Variants in GINS4 observed in about 807,000 individuals in gnomAD.
GINS4 encodes the protein DNA replication complex GINS protein SLD5.
In GINS4, 20 loss-of-function variants were observed where a neutral mutation model predicts 31.1. The observed-to-expected ratio is 0.64, with a 90% CI of 0.45 to 0.93. The LOEUF (loss-of-function observed/expected upper bound fraction) is 0.93, where lower values mean the gene tolerates loss of function less well. Among genes scored for constraint, GINS4 ranks in the 40% least tolerant of loss-of-function variants. The pLI, the probability that GINS4 is intolerant of heterozygous loss-of-function variation, is 0.00. For synonymous variants in GINS4, 85 were observed against 97.9 expected, an observed-to-expected ratio of 0.87 and a Z score of 0.78; for missense variants, 245 against 273.9, an observed-to-expected ratio of 0.89 and a Z score of 0.75.
At chr8:41,532,517 C>T (rs1806663689) in intron 2 of GINS4, among the ~76,000 whole-genome samples, 1 of 151,940 alleles carries the variant, frequency 6.6e-6, no homozygotes, top group Non-Finnish European at 1.5e-5. Flanking sequence ...ATAGCGAGAT[C>T]TTATCCCAAA....
rs750900577 is a variant in GINS4, at chr8:41,537,257, C to T, written c.261C>T (p.Tyr87=). ...AAATGGAGATGGAGAGGATCCGCTA[C>T]GTCCTCAGCAGCTACTTGCGGTGTC... ...IHQMEMERIR[Y]VLSSYLRCRL... The change falls in exon 4 of 8, where the codon TAC becomes TAT. Residue 87 remains tyrosine, a synonymous_variant. Coordinates refer to ENST00000276533, the MANE Select transcript of GINS4 (RefSeq NM_032336.3). The T allele has an allele frequency of 1.5e-5, 25 of 1,613,678 alleles. No homozygotes were observed. Among genetic ancestry groups the T allele is most frequent in the Middle Eastern group, 1.7e-4 (1 of 6,046 alleles).
At chr8:41,533,424 C>T (rs1348953155) in intron 2 of GINS4, among the ~76,000 whole-genome samples, 2 of 152,170 alleles carry the variant, frequency 1.3e-5, no homozygotes, top group African/African-American at 4.8e-5. Context: ...GAGGATGGGG[C>T]GGCGGGGGTT....
At chr8:41,530,412 G>T in intron 2 of GINS4, 114 bp downstream of exon 2, 1 of 698,438 alleles carries the variant, frequency 1.4e-6, no homozygotes, top group East Asian at 2.7e-5. Context: ...CTTTAGAACA[G>T]GGACTGGATC....
intron 6 of GINS4, among the ~76,000 whole-genome samples, chr8:41,541,227 G>T (rs1806835845): frequency 6.6e-6 from 1 of 151,998 alleles, no homozygotes; most frequent in African/African-American, 2.4e-5. Flanking sequence ...GTGCCACCAT[G>T]CTTGGCTATT....
At chr8:41,540,071 T>G (rs1288423723) in intron 6 of GINS4, 67 bp downstream of exon 6, 2 of 1,071,572 alleles carry the variant, frequency 1.9e-6, no homozygotes, top group Non-Finnish European at 2.9e-6. Context: ...GGATCCTCTC[T>G]TCACTGTTTT....
intron 4 of GINS4, chr8:41,537,934 T>C (rs1806770151): frequency 6.6e-6 from 1 of 151,892 alleles, no homozygotes; most frequent in Admixed American, 6.6e-5. Flanking sequence ...GACAGGAGAA[T>C]TGCTTGAACC....
intron 2 of GINS4, chr8:41,534,134 G>A (rs1399542115): frequency 9.8e-6 from 2 of 204,542 alleles, no homozygotes; most frequent in African/African-American, 4.7e-5. Context: ...CAGGCACAGT[G>A]GTTCAAGCCT....
In GINS4 at chr8:41,542,007, C is replaced by G. The variant is rs1055455430; in HGVS notation, c.592C>G (p.Leu198Val). The change falls in exon 8 of 8, where the codon CTG becomes GTG. Residue 198 changes from leucine (L) to valine (V), a missense_variant. Transcript: ENST00000276533. ...CTTTTTCAGGGACTACGTGATTGAC[C>G]TGGAGAAGGGCTCACAGCACTTGAT... is the stretch of plus-strand genomic sequence containing the variant. The part of the protein sequence containing the change: ...TDEQRDYVID[L>V]EKGSQHLIRY... The G allele has an allele frequency of 6.2e-7, 1 of 1,614,104 alleles. No individual in the cohort carries two copies. Among genetic ancestry groups the G allele is most frequent in the Admixed American group, 1.7e-5 (1 of 60,002 alleles).
intron 6 of GINS4, among the ~76,000 whole-genome samples, chr8:41,540,888 C>A (rs1806828763): frequency 6.6e-6 from 1 of 152,120 alleles, no homozygotes; most frequent in Non-Finnish European, 1.5e-5. Context: ...GTCCAGGATC[C>A]AGGCCCCCAC....
At chr8:41,538,337 C>G (rs1161171041) in intron 4 of GINS4, among the ~76,000 whole-genome samples, 5 of 152,106 alleles carry the variant, frequency 3.3e-5, no homozygotes, top group Non-Finnish European at 7.3e-5. Context: ...GTAGTTTGAC[C>G]AAGTTTGTGA....
chr8:41,530,701 C>T (rs1806636659), intron 2 of GINS4, among the ~76,000 whole-genome samples: 1 of 152,102 alleles, frequency 6.6e-6, no homozygotes, highest in African/African-American at 2.4e-5. Flanking sequence ...CATATTTTTC[C>T]TTTTTCTCAC....
intron 2 of GINS4, among the ~76,000 whole-genome samples, chr8:41,535,597 T>C (rs1342713934): frequency 6.6e-6 from 1 of 152,072 alleles, no homozygotes; most frequent in African/African-American, 2.4e-5. Context: ...CAGAAAAAAA[T>C]AAGTTGAGCC....
chr8:41,531,664 A>G (rs761167042), intron 2 of GINS4, among the ~76,000 whole-genome samples: 6 of 152,222 alleles, frequency 3.9e-5, no homozygotes, highest in Non-Finnish European at 2.9e-5. Flanking sequence ...AATAACGCAC[A>G]CATGCACCCA....
intron 2 of GINS4, among the ~76,000 whole-genome samples, chr8:41,531,476 T>G (rs1806647081): frequency 6.6e-6 from 1 of 152,190 alleles, no homozygotes; most frequent in Non-Finnish European, 1.5e-5. Flanking sequence ...GTTTGCTACT[T>G]TAGTATTCTT....
At chr8:41,530,413 G>A (rs1181423407) in intron 2 of GINS4, 115 bp downstream of exon 2, 10 of 686,850 alleles carry the variant, frequency 1.5e-5, no homozygotes, top group Non-Finnish European at 2.0e-5. Context: ...TTTAGAACAG[G>A]GACTGGATCT....
At chr8:41,533,993 T>C (rs916540043) in intron 2 of GINS4, among the ~76,000 whole-genome samples, 5 of 152,182 alleles carry the variant, frequency 3.3e-5, no homozygotes, top group Non-Finnish European at 7.3e-5. Context: ...TAATCACTTC[T>C]TTAAAGACCT....
chr8:41,539,600 A>C, intron 4 of GINS4, 78 bp from the exon 5 acceptor site: 1 of 1,042,230 alleles, frequency 9.6e-7, no homozygotes, highest in Non-Finnish European at 1.5e-6. Flanking sequence ...GGGTTGTGTA[A>C]ACCCTCTTTA....
In GINS4 at chr8:41,544,465, T is replaced by G. The variant is rs1806898413; in HGVS notation, c.*2378T>G. On this transcript the variant is annotated 3_prime_UTR_variant, in exon 8 of 8. Coordinates refer to ENST00000276533, the MANE Select transcript of GINS4 (RefSeq NM_032336.3). ...AGCTGTTAACCTAGAACAGTGTGCT[T>G]CCTAAGCCTTAATGTGCATACCCAT... 1 of 152,186 alleles carries G rather than the reference T, an allele frequency of 6.6e-6. No homozygotes were observed. The highest frequency in any genetic ancestry group is 2.1e-4 in the South Asian group (1 of 4,828). 9.4% of individuals were successfully genotyped at this position (152,186 alleles called of 1,614,324 possible). A position where few individuals can be genotyped will look rare whatever the true frequency, so the allele number is the denominator to read the frequency against.
chr8:41,529,917 T>C (rs1563428516), intron 1 of GINS4: 5 of 302,630 alleles, frequency 1.7e-5, no homozygotes, highest in Non-Finnish European at 3.1e-5. Flanking sequence ...AAGAAATGAA[T>C]AGTGATTGTA....
Sources: gnomAD v4.1 joint callset for allele counts (sites outside exome capture counted in the v4.1 genomes callset) on GRCh38, gnomAD v4.1.1 for gene constraint, MANE v1.5 for transcripts, NCBI Gene and HGNC (gene_info 2026-07-23, HGNC 2026-07-21) for gene names.